CNKSR2: variants seen among roughly 807,000 people sequenced by gnomAD.
The protein encoded by CNKSR2 is CNK homolog protein 2.
A neutral mutation model predicts 84.4 loss-of-function variants in CNKSR2; 14 were observed. The observed-to-expected ratio is 0.17, with a 90% CI of 0.11 to 0.26. CNKSR2 has a LOEUF of 0.26. Ranked by LOEUF, CNKSR2 falls within the 10% of genes least tolerant of loss-of-function variation. CNKSR2 has a pLI of 1.00. For synonymous variants in CNKSR2, 275 were observed against 277.9 expected, an observed-to-expected ratio of 0.99 and a Z score of 0.10; for missense variants, 485 against 771.2, an observed-to-expected ratio of 0.63 and a Z score of 4.40.
chrX:21,618,109 G>C (rs73453510), intron 20 of CNKSR2, among the ~76,000 whole-genome samples: 3,632 of 110,841 alleles, frequency 0.033, 142 homozygotes, highest in African/African-American at 0.11. Flanking sequence ...CCTTCAAAAG[G>C]CAGAAAGCAG....
chrX:21,624,553 A>G (rs183745941), intron 20 of CNKSR2, among the ~76,000 whole-genome samples: 1 of 110,795 alleles, frequency 9.0e-6, no homozygotes, highest in East Asian at 2.8e-4. Flanking sequence ...TCTGTTGCCC[A>G]GGTTGGAGTG....
In CNKSR2 at chrX:21,635,379, TGTG is replaced by T. The variant is rs1304560712; in HGVS notation, c.2693-13451_2693-13449del. 3.4e-4 allele frequency among the ~76,000 whole-genome samples: 14 copies of T among 40,890 alleles called. No individual in the cohort carries two copies. The South Asian group carries it at 7.2e-3, about 21-fold the overall frequency. The allele number at this position is 40,890 out of a possible 115,157, so 35.5% of individuals were successfully genotyped here. A position where few individuals can be genotyped will look rare whatever the true frequency, so the allele number is the denominator to read the frequency against. On this transcript the variant is annotated intron_variant, in intron 20 of 21. Transcript: ENST00000379510. ...AGTCTGAAATTTGATCTAAAATAAA[TGTG>T]TGTGTGTGTGTGTGTGTGTGTGTGT...
chrX:21,449,866 T>C (rs1467131024), intron 4 of CNKSR2, among the ~76,000 whole-genome samples: 1 of 112,294 alleles, frequency 8.9e-6, no homozygotes, highest in African/African-American at 3.2e-5. Flanking sequence ...CATATAGCCA[T>C]GACTGACTTC....
At chrX:21,432,964 A>G in intron 3 of CNKSR2, 150 bp downstream of exon 3, 1 of 492,504 alleles carries the variant, frequency 2.0e-6, no homozygotes, top group Non-Finnish European at 3.2e-6. Flanking sequence ...ATATAGGGGT[A>G]TTAAATAGAT....
At chrX:21,536,829 G>GTTTTT (rs57674975) in intron 11 of CNKSR2, among the ~76,000 whole-genome samples, 4 of 93,110 alleles carry the variant, frequency 4.3e-5, no homozygotes, top group African/African-American at 1.6e-4. Flanking sequence ...TCTTCTGTAG[G>GTTTTT]TTTTTTTTTT....
intron 21 of CNKSR2, 38 bp from the exon 22 acceptor site, chrX:21,652,268 T>C: frequency 9.2e-7 from 1 of 1,084,587 alleles, no homozygotes; most frequent in East Asian, 3.0e-5. Flanking sequence ...AATAAAACTT[T>C]GTCCCTGTCT....
intron 20 of CNKSR2, among the ~76,000 whole-genome samples, chrX:21,634,579 G>A (rs2092661905): frequency 9.0e-6 from 1 of 111,183 alleles, no homozygotes; most frequent in South Asian, 3.8e-4. Context: ...CAGTTAGAAA[G>A]AGTAAGCAGA....
rs774439024 is a variant in CNKSR2 at position 21,540,560 on chromosome X, A to G, written c.1303+8493A>G. On this transcript the variant is annotated intron_variant, in intron 11 of 21. Transcript: ENST00000379510. The stretch of plus-strand genomic sequence containing the variant: ...AAAAAACTAAAGTACAAAAAACTAC[A>G]TACTTGACATTTTCTGGAAATAATG... 2.7e-5 allele frequency among the ~76,000 whole-genome samples: 3 copies of G among 112,256 alleles called. No individual in the cohort carries two copies. The South Asian group carries it at 1.1e-3, about 41-fold the overall frequency.
chrX:21,605,357 T>C lies in CNKSR2; in HGVS notation c.2045-1422T>C, dbSNP rs150250959. 7.0e-3 allele frequency among the ~76,000 whole-genome samples: 793 copies of C among 112,687 alleles called. 5 individuals are homozygous for C. Among genetic ancestry groups the C allele is most frequent in the African/African-American group, 0.024 (749 of 31,067 alleles). On this transcript the variant is annotated intron_variant, in intron 18 of 21. Transcript: ENST00000379510. ...CAAATTAAGATTAACTAGTCTTTGC[T>C]TATCTTTTACTCAAAAGGAATAATT... is the stretch of plus-strand genomic sequence containing the variant.
At chrX:21,414,950 A>G (rs1362618998) in intron 1 of CNKSR2, among the ~76,000 whole-genome samples, 1 of 111,186 alleles carries the variant, frequency 9.0e-6, no homozygotes, top group Non-Finnish European at 1.9e-5. Context: ...CTTGTTTACT[A>G]TACCTCAGTA....
intron 20 of CNKSR2, among the ~76,000 whole-genome samples, chrX:21,648,187 T>C (rs1053904572): frequency 2.7e-5 from 3 of 111,844 alleles, no homozygotes; most frequent in African/African-American, 9.7e-5. Context: ...AATTAAAATA[T>C]TGATAATTTA....
At chrX:21,479,535 CAG>C (rs2091294721) in intron 5 of CNKSR2, among the ~76,000 whole-genome samples, 1 of 111,112 alleles carries the variant, frequency 9.0e-6, no homozygotes, top group Non-Finnish European at 1.9e-5. Flanking sequence ...AGTCTGGAAA[CAG>C]AAGCCACACA....
intron 9 of CNKSR2, among the ~76,000 whole-genome samples, chrX:21,526,493 A>G (rs1254734336): frequency 1.8e-5 from 2 of 111,016 alleles, no homozygotes; most frequent in African/African-American, 6.5e-5. Context: ...ACTCATCATT[A>G]TTGTTCTTTT....
At chrX:21,624,167 T>C (rs1476405686) in intron 20 of CNKSR2, among the ~76,000 whole-genome samples, 1 of 112,040 alleles carries the variant, frequency 8.9e-6, no homozygotes. Context: ...TGCAGAGATA[T>C]TCTATTTTAC....
chrX:21,453,030 C>G (rs1481239659), intron 4 of CNKSR2, among the ~76,000 whole-genome samples: 1 of 109,761 alleles, frequency 9.1e-6, no homozygotes, highest in Admixed American at 9.9e-5. Context: ...CCAGAGTTAT[C>G]TCTATATACT....
At chrX:21,529,521 T>C (rs1384618260) in intron 10 of CNKSR2, among the ~76,000 whole-genome samples, 1 of 111,421 alleles carries the variant, frequency 9.0e-6, no homozygotes, top group African/African-American at 3.3e-5. Context: ...AAAGCAATGC[T>C]CTTTTAATGC....
Position 21,621,358 on chromosome X carries a change from A to T in CNKSR2, c.2692+11741A>T, listed in dbSNP as rs1406198875. Among the ~76,000 whole-genome samples, 3 of 111,489 alleles carry T rather than the reference A, an allele frequency of 2.7e-5. No homozygotes were observed. The Admixed American group carries it at 2.9e-4, about 11-fold the overall frequency. On this transcript the variant is annotated intron_variant, in intron 20 of 21. Transcript: ENST00000379510. Reference sequence around the variant, plus strand: ...TTTTTTAATCTAAGTGCAGCTATTTATATTTATTTCTGTTAAATTTTTAAT... The same window carrying T: ...TTTTTTAATCTAAGTGCAGCTATTTTTATTTATTTCTGTTAAATTTTTAAT...
intron 11 of CNKSR2, among the ~76,000 whole-genome samples, chrX:21,557,561 T>A (rs1251889219): frequency 9.0e-6 from 1 of 110,723 alleles, no homozygotes; most frequent in Non-Finnish European, 1.9e-5. Context: ...AAAAGCCAAA[T>A]AAAATAATGG....
chrX:21,460,094 G>C (rs1290072620), intron 4 of CNKSR2, among the ~76,000 whole-genome samples: 1 of 111,759 alleles, frequency 8.9e-6, no homozygotes, highest in Non-Finnish European at 1.9e-5. Flanking sequence ...TACATACTCT[G>C]TTCTGGTGAA....
Sources: allele counts gnomAD v4.1 joint callset (sites outside exome capture counted in the v4.1 genomes callset), GRCh38; gene constraint gnomAD v4.1.1; transcripts MANE v1.5; gene names NCBI Gene and HGNC (gene_info 2026-07-23, HGNC 2026-07-21).